MYRIP: variants seen among roughly 807,000 people sequenced by gnomAD.
MYRIP encodes rab effector MyRIP.
In MYRIP, 49 loss-of-function variants were observed where a neutral mutation model predicts 98.0. The ratio of observed to expected loss-of-function variants is 0.50; its 90% confidence interval spans 0.40 to 0.63. The LOEUF (loss-of-function observed/expected upper bound fraction) is 0.63. Among genes scored for constraint, MYRIP ranks in the 30% least tolerant of loss-of-function variants. The pLI is 0.00. For synonymous variants in MYRIP, 404 were observed against 409.5 expected (o/e 0.99, Z 0.16); for missense variants, 1,004 against 1,058.2 (o/e 0.95, Z 0.71).
intron 1 of MYRIP, among the ~76,000 whole-genome samples, chr3:39,859,432 G>T (rs903252428): frequency 2.0e-5 from 3 of 152,152 alleles, no homozygotes; most frequent in African/African-American, 4.8e-5. Context: ...CTTTAAAGGT[G>T]AATTCTGCCA....
intron 1 of MYRIP, among the ~76,000 whole-genome samples, chr3:39,855,642 C>T (rs1942265294): frequency 6.6e-6 from 1 of 152,132 alleles, no homozygotes; most frequent in Admixed American, 6.5e-5. Context: ...TAGCAGGAGG[C>T]TTCACCCAGC....
intron 12 of MYRIP, among the ~76,000 whole-genome samples, chr3:40,234,554 G>T (rs981012444): frequency 6.6e-6 from 1 of 152,206 alleles, no homozygotes; most frequent in Non-Finnish European, 1.5e-5. Flanking sequence ...GGCTTAGTGG[G>T]CAGGGAGAGG....
chr3:39,961,306 C>T (rs184618294), intron 2 of MYRIP, among the ~76,000 whole-genome samples: 2 of 152,094 alleles, frequency 1.3e-5, no homozygotes, highest in African/African-American at 4.8e-5. Flanking sequence ...GATCCACACG[C>T]ATTTCCCTGA....
intron 10 of MYRIP, among the ~76,000 whole-genome samples, chr3:40,205,770 G>C (rs1951776451): frequency 1.3e-5 from 2 of 151,856 alleles, no homozygotes; most frequent in Admixed American, 1.3e-4. Flanking sequence ...TGAAGTTGTT[G>C]TGATAATCAG....
At position 39,840,049 on chromosome 3, in the gene MYRIP, CT is replaced by C. The variant is rs532347961; in HGVS notation, c.-31+30134del. 2.0e-5 allele frequency among the ~76,000 whole-genome samples: 3 copies of C among 152,276 alleles called. No homozygotes were observed. In the South Asian group the frequency reaches 6.2e-4, roughly 32 times the overall value. On this transcript the variant is annotated intron_variant, in intron 1 of 16. Transcript: ENST00000302541. ...CTTGTTAATTTTCTGTCTCATTGAT[CT>C]GTCTAATATTGACAGTGGGGTGTTA...
intron 16 of MYRIP, among the ~76,000 whole-genome samples, chr3:40,255,133 C>T (rs1953532509): frequency 6.6e-6 from 1 of 152,162 alleles, no homozygotes; most frequent in South Asian, 2.1e-4. Flanking sequence ...TGCTTCTGAC[C>T]ATTAGTTCAC....
intron 2 of MYRIP, among the ~76,000 whole-genome samples, chr3:39,943,899 TAGTG>T (rs1450535817): frequency 1.3e-5 from 2 of 152,086 alleles, no homozygotes; most frequent in African/African-American, 4.8e-5. Flanking sequence ...TGAAGCTTTA[TAGTG>T]GTAGGGTGTG....
rs186679636 is a variant in MYRIP, at chr3:40,094,713, C to T, written c.332+50442C>T. Among the ~76,000 whole-genome samples, 124 of 152,278 alleles carry T rather than the reference C, an allele frequency of 8.1e-4. 2 individuals carry two copies. Among genetic ancestry groups the T allele is most frequent in the Admixed American group, 7.3e-3 (112 of 15,288 alleles). On this transcript the variant is annotated intron_variant, in intron 3 of 16. Coordinates refer to ENST00000302541, the MANE Select transcript of MYRIP (RefSeq NM_015460.4). ...TTACCAGTGACAGAAAACTCAACCT[C>T]GCTTAAAGAAACAGGAATATATATT...
chr3:40,182,438 G>T (rs1950906426), intron 9 of MYRIP, 65 bp downstream of exon 9: 1 of 1,537,552 alleles, frequency 6.5e-7, no homozygotes. Context: ...GAGACATCTT[G>T]GCTATTGCAT....
chr3:40,197,380 G>C (rs1417837576), intron 10 of MYRIP, among the ~76,000 whole-genome samples: 1 of 152,152 alleles, frequency 6.6e-6, no homozygotes, highest in Non-Finnish European at 1.5e-5. Context: ...TGGCCCCTGA[G>C]TTGGGGACCC....
intron 2 of MYRIP, among the ~76,000 whole-genome samples, chr3:40,035,780 A>T (rs886375066): frequency 2.2e-4 from 34 of 152,166 alleles, no homozygotes; most frequent in Middle Eastern, 3.4e-3. Flanking sequence ...TTTTAAAAGA[A>T]GGTATAGGAA....
chr3:40,172,624 C>G (rs142878521), intron 8 of MYRIP, among the ~76,000 whole-genome samples: 130 of 152,274 alleles, frequency 8.5e-4, no homozygotes, highest in Middle Eastern at 3.4e-3. Context: ...GAGTTATGAG[C>G]TGTACTTCAC....
intron 8 of MYRIP, 92 bp downstream of exon 8, chr3:40,170,185 C>A: frequency 3.4e-6 from 5 of 1,489,288 alleles, no homozygotes; most frequent in Non-Finnish European, 2.7e-6. Context: ...TGGCCACTGG[C>A]CAGGGTAAAA....
At chr3:39,945,703 C>T (rs1049301655) in intron 2 of MYRIP, among the ~76,000 whole-genome samples, 4 of 151,718 alleles carry the variant, frequency 2.6e-5, no homozygotes, top group Non-Finnish European at 5.9e-5. Context: ...AAAGAGAGAT[C>T]GCAGGTTAAA....
chr3:40,093,370 C>A (rs1948763858), intron 3 of MYRIP, among the ~76,000 whole-genome samples: 1 of 152,196 alleles, frequency 6.6e-6, no homozygotes, highest in Admixed American at 6.5e-5. Context: ...CTTCCTTCAA[C>A]CCAAAACCCA....
chr3:40,179,900 GA>G (rs1950847770), intron 8 of MYRIP, among the ~76,000 whole-genome samples: 2 of 152,372 alleles, frequency 1.3e-5, no homozygotes, highest in African/African-American at 4.8e-5. Context: ...GTTTGCCATA[GA>G]ATGATGTTTT....
intron 2 of MYRIP, among the ~76,000 whole-genome samples, chr3:39,912,409 C>T (rs1424126617): frequency 1.3e-5 from 2 of 152,174 alleles, no homozygotes; most frequent in African/African-American, 2.4e-5. Flanking sequence ...AAATGTAGTA[C>T]CTAATCAATT....
chr3:40,157,694 A>G (rs1156476996), intron 4 of MYRIP, among the ~76,000 whole-genome samples: 1 of 150,566 alleles, frequency 6.6e-6, no homozygotes, highest in Non-Finnish European at 1.5e-5. Context: ...GTCTATTCAG[A>G]GATTCAACTT....
chr3:40,072,538 C>G (rs1280942996), intron 3 of MYRIP, among the ~76,000 whole-genome samples: 2 of 152,156 alleles, frequency 1.3e-5, no homozygotes, highest in African/African-American at 4.8e-5. Flanking sequence ...TTGCTAAATA[C>G]TGTTTTACTA....
Sources: gnomAD v4.1 joint callset for allele counts (sites outside exome capture counted in the v4.1 genomes callset) on GRCh38, gnomAD v4.1.1 for gene constraint, MANE v1.5 for transcripts, NCBI Gene and HGNC (gene_info 2026-07-23, HGNC 2026-07-21) for gene names.